The following PPP2R5E variants were observed in gnomAD, a reference collection of about 807,000 sequenced individuals.
PPP2R5E encodes serine/threonine-protein phosphatase 2A 56 kDa regulatory subunit epsilon isoform.
Under a neutral mutation model 65.3 loss-of-function variants are expected in PPP2R5E, and 4 were observed. The observed-to-expected ratio is 0.06, with a 90% CI of 0.03 to 0.14. The LOEUF (loss-of-function observed/expected upper bound fraction) is 0.14. Among genes scored for constraint, PPP2R5E ranks in the 10% least tolerant of loss-of-function variants. The probability of loss-of-function intolerance (pLI) is 1.00; values close to 1 mark genes in which losing one functional copy is unlikely to be tolerated. For missense variants in PPP2R5E, 274 were observed against 556.1 expected, an observed-to-expected ratio of 0.49 and a Z score of 5.10; for synonymous variants, 183 against 187.4, an observed-to-expected ratio of 0.98 and a Z score of 0.19.
At chr14:63,454,466 C>A (rs2139481597) in intron 2 of PPP2R5E, among the ~76,000 whole-genome samples, 1 of 152,234 alleles carries the variant, frequency 6.6e-6, no homozygotes, top group African/African-American at 2.4e-5. Context: ...AAAGAGCACA[C>A]CAGCAATAAG....
intron 2 of PPP2R5E, among the ~76,000 whole-genome samples, chr14:63,520,732 G>A (rs560604980): frequency 6.6e-6 from 1 of 151,850 alleles, no homozygotes; most frequent in Non-Finnish European, 1.5e-5. Context: ...AAACACATGC[G>A]TGGCCAGGTG....
Position 63,371,517 on chromosome 14 carries a change from T to C in PPP2R5E, c.*4492A>G, listed in dbSNP as rs987726014. 2 of 152,224 alleles carry C rather than the reference T, an allele frequency of 1.3e-5. No homozygotes were observed. Among genetic ancestry groups the C allele is most frequent in the African/African-American group, 2.4e-5 (1 of 41,464 alleles). 9.4% of individuals were successfully genotyped at this position (152,224 alleles called of 1,614,324 possible). ...AGCAAATCATTTCCAAAGAAAAACA[T>C]TTTAAATTCCAAGTGTTTAAGACTC... On this transcript the variant is annotated 3_prime_UTR_variant, in exon 14 of 14. Transcript: ENST00000337537.
rs1172505648 is a variant in PPP2R5E, at chr14:63,375,367, A to G, written c.*642T>C. Reference sequence around the variant, plus strand: ...TATCACCTCTTCTCTCTTAACTCCTAATTTTAAAACTAAAGGAGTACCAGG... The same window carrying G: ...TATCACCTCTTCTCTCTTAACTCCTGATTTTAAAACTAAAGGAGTACCAGG... On this transcript the variant is annotated 3_prime_UTR_variant, in exon 14 of 14. Coordinates refer to ENST00000337537, the MANE Select transcript of PPP2R5E (RefSeq NM_006246.5). 6.6e-6 allele frequency: 1 copy of G among 152,486 alleles called. No homozygotes were observed. Among genetic ancestry groups the G allele is most frequent in the East Asian group, 1.9e-4 (1 of 5,200 alleles). 9.4% of individuals were successfully genotyped at this position (152,486 alleles called of 1,614,324 possible). A position where few individuals can be genotyped will look rare whatever the true frequency, so the allele number is the denominator to read the frequency against.
chr14:63,477,313 T>G (rs1890459247), intron 2 of PPP2R5E, among the ~76,000 whole-genome samples: 2 of 152,304 alleles, frequency 1.3e-5, no homozygotes, highest in African/African-American at 4.8e-5. Context: ...ACTCAATACA[T>G]TCCAGGAACT....
intron 5 of PPP2R5E, among the ~76,000 whole-genome samples, chr14:63,400,331 C>T (rs1346242319): frequency 1.3e-5 from 2 of 152,156 alleles, no homozygotes; most frequent in Non-Finnish European, 2.9e-5. Context: ...GCAGACACAT[C>T]TACTGTATTT....
chr14:63,403,979 T>C (rs529603363), intron 5 of PPP2R5E, among the ~76,000 whole-genome samples: 1 of 152,134 alleles, frequency 6.6e-6, no homozygotes, highest in African/African-American at 2.4e-5. Context: ...ATAAATAAAA[T>C]CTAAAATCAC....
chr14:63,391,017 C>G (rs900029668), intron 10 of PPP2R5E, among the ~76,000 whole-genome samples: 2 of 152,160 alleles, frequency 1.3e-5, no homozygotes, highest in African/African-American at 2.4e-5. Context: ...GGTCTGTTGT[C>G]TATTCTAAGA....
intron 5 of PPP2R5E, 118 bp downstream of exon 5, chr14:63,415,022 T>C: frequency 3.5e-6 from 2 of 572,272 alleles, no homozygotes; most frequent in Non-Finnish European, 6.1e-6. Context: ...TATATATATA[T>C]ATATATTTTG....
chr14:63,473,520 ATT>A (rs1233165864), intron 2 of PPP2R5E, among the ~76,000 whole-genome samples: 1 of 152,238 alleles, frequency 6.6e-6, no homozygotes, highest in East Asian at 1.9e-4. Context: ...GCTCTGAGAC[ATT>A]TCCCAGTGCT....
intron 2 of PPP2R5E, among the ~76,000 whole-genome samples, chr14:63,507,413 G>C (rs1892240494): frequency 6.6e-6 from 1 of 151,964 alleles, no homozygotes; most frequent in Non-Finnish European, 1.5e-5. Context: ...TAGAAGCCAT[G>C]AGATAAACAT....
intron 2 of PPP2R5E, among the ~76,000 whole-genome samples, chr14:63,482,143 G>A (rs1053064541): frequency 6.6e-6 from 1 of 152,138 alleles, no homozygotes; most frequent in Non-Finnish European, 1.5e-5. Context: ...ATTCTTTCAA[G>A]CCTATATGAG....
At chr14:63,515,909 GT>G (rs567988304) in intron 2 of PPP2R5E, among the ~76,000 whole-genome samples, 1,778 of 149,272 alleles carry the variant, frequency 0.012, 40 homozygotes, top group African/African-American at 0.042. Context: ...GAGTGCAGTG[GT>G]GCAATCTTGG....
rs749498193 is a variant in PPP2R5E, at chr14:63,396,582, T to G, written c.680+4A>C. ...TCCTTCTTCCCCCATCACACTCCAC[T>G]TACCTTAGAAAAATATTGTTAATCT... On this transcript the variant is annotated splice_donor_region_variant and intron_variant, in intron 6 of 13. Transcript: ENST00000337537. 7 of 1,611,664 alleles carry G rather than the reference T, an allele frequency of 4.3e-6. No individual in the cohort carries two copies. Among genetic ancestry groups the G allele is most frequent in the African/African-American group, 1.3e-5 (1 of 74,814 alleles).
chr14:63,425,362 T>C (rs531794161), intron 3 of PPP2R5E, among the ~76,000 whole-genome samples: 3 of 152,358 alleles, frequency 2.0e-5, no homozygotes, highest in African/African-American at 7.2e-5. Flanking sequence ...GGGCAAAGGT[T>C]CTTTAATTAC....
chr14:63,513,348 TGAA>T (rs1892538244), intron 2 of PPP2R5E, among the ~76,000 whole-genome samples: 1 of 152,116 alleles, frequency 6.6e-6, no homozygotes, highest in Non-Finnish European at 1.5e-5. Context: ...CCCAGCAAAA[TGAA>T]GAACTTGGAA....
intron 2 of PPP2R5E, among the ~76,000 whole-genome samples, chr14:63,455,688 G>A (rs1378300670): frequency 2.0e-5 from 3 of 152,166 alleles, no homozygotes; most frequent in Non-Finnish European, 1.5e-5. Flanking sequence ...GGCTGCTTAT[G>A]AGCATGACTA....
In PPP2R5E at chr14:63,539,542, C is replaced by G; in HGVS notation, c.144G>C (p.Leu48=). 1 of 1,613,838 alleles carries G rather than the reference C, an allele frequency of 6.2e-7. No individual in the cohort carries two copies. Among genetic ancestry groups the G allele is most frequent in the Non-Finnish European group, 8.5e-7 (1 of 1,179,806 alleles). The change falls in exon 2 of 14, where the codon CTG becomes CTC. Residue 48 remains leucine, a synonymous_variant. Transcript: ENST00000337537. ...CATGAGCCTTACCTTTTAGCAGCGG[C>G]AGAGGTGTTAACTCAATAGGCTTGC... The part of the protein sequence containing the change: ...SQGKPIELTP[L]PLLKDVPSSE...
intron 2 of PPP2R5E, among the ~76,000 whole-genome samples, chr14:63,486,453 C>T (rs1340619742): frequency 6.6e-6 from 1 of 152,066 alleles, no homozygotes; most frequent in Non-Finnish European, 1.5e-5. Flanking sequence ...ATAAGTTACA[C>T]ACACATTCAT....
chr14:63,447,091 C>G (rs963113647), intron 3 of PPP2R5E, among the ~76,000 whole-genome samples: 1 of 152,144 alleles, frequency 6.6e-6, no homozygotes, highest in African/African-American at 2.4e-5. Flanking sequence ...GGTTGTTAGA[C>G]GCCCTAAGAT....
Sources: gnomAD v4.1 joint callset for allele counts (sites outside exome capture counted in the v4.1 genomes callset) on GRCh38, gnomAD v4.1.1 for gene constraint, MANE v1.5 for transcripts, NCBI Gene and HGNC (gene_info 2026-07-23, HGNC 2026-07-21) for gene names.